The following PACRG variants were observed in gnomAD, a reference collection of about 807,000 sequenced individuals.
The protein encoded by PACRG is parkin coregulated gene protein.
PACRG carries 29 observed loss-of-function variants against 29.7 expected under a neutral mutation model. That is an observed-to-expected ratio of 0.98 (90% CI 0.73 to 1.33). PACRG has a LOEUF of 1.33. PACRG is among the 40% of genes most tolerant of loss of function. The pLI is 0.00. For missense variants in PACRG, 279 were observed against 316.2 expected, an observed-to-expected ratio of 0.88 and a Z score of 0.89; for synonymous variants, 116 against 118.7, an observed-to-expected ratio of 0.98 and a Z score of 0.15.
intron 1 of PACRG, among the ~76,000 whole-genome samples, chr6:162,759,206 G>A (rs1195259010): frequency 3.3e-5 from 5 of 152,272 alleles, no homozygotes; most frequent in East Asian, 1.9e-4. Context: ...AGCAGATTCC[G>A]TTGAAGAAAA....
At chr6:162,832,575 C>T (rs1788874137) in intron 2 of PACRG, among the ~76,000 whole-genome samples, 1 of 151,994 alleles carries the variant, frequency 6.6e-6, no homozygotes, top group African/African-American at 2.4e-5. Flanking sequence ...ACAACTTGTA[C>T]CACATCTATT....
chr6:162,995,337 A>G (rs1562813523), intron 2 of PACRG, among the ~76,000 whole-genome samples: 1 of 150,696 alleles, frequency 6.6e-6, no homozygotes, highest in Non-Finnish European at 1.5e-5. Flanking sequence ...CCCCTCCCCC[A>G]GCCTCGCTGC....
intron 2 of PACRG, among the ~76,000 whole-genome samples, chr6:163,033,536 A>G (rs1359906367): frequency 6.6e-6 from 1 of 152,266 alleles, no homozygotes; most frequent in Admixed American, 6.5e-5. Flanking sequence ...CTTAAGTCAC[A>G]TGAACTAAAT....
chr6:163,167,204 C>T (rs1029970599), intron 4 of PACRG, among the ~76,000 whole-genome samples: 2 of 152,136 alleles, frequency 1.3e-5, no homozygotes, highest in Admixed American at 6.6e-5. Context: ...ACAGAAGAAA[C>T]CTTAAGCTTA....
At chr6:162,811,404 C>T (rs1335172441) in intron 1 of PACRG, among the ~76,000 whole-genome samples, 1 of 152,054 alleles carries the variant, frequency 6.6e-6, no homozygotes, top group East Asian at 1.9e-4. Flanking sequence ...GGGCCAATTC[C>T]TCAGAAAATA....
At chr6:163,011,553 T>A (rs1189562325) in intron 2 of PACRG, among the ~76,000 whole-genome samples, 1 of 152,196 alleles carries the variant, frequency 6.6e-6, no homozygotes, top group African/African-American at 2.4e-5. Flanking sequence ...GCCTAGGGTA[T>A]CACTGTACAC....
intron 1 of PACRG, among the ~76,000 whole-genome samples, chr6:162,806,153 G>A (rs2128347631): frequency 6.6e-6 from 1 of 151,046 alleles, no homozygotes; most frequent in Admixed American, 6.6e-5. Context: ...TTGTTGCCCA[G>A]GCTGGAGTGC....
intron 2 of PACRG, among the ~76,000 whole-genome samples, chr6:162,835,200 A>T (rs183082687): frequency 6.6e-6 from 1 of 152,252 alleles, no homozygotes; most frequent in East Asian, 1.9e-4. Flanking sequence ...CTTCTTCAGT[A>T]AAACATTGTT....
intron 4 of PACRG, among the ~76,000 whole-genome samples, chr6:163,283,326 C>T (rs560542969): frequency 6.6e-6 from 1 of 152,240 alleles, no homozygotes; most frequent in South Asian, 2.1e-4. Context: ...GTGGAAATTG[C>T]AATGAAGGAA....
chr6:162,986,811 C>T (rs952607101), intron 2 of PACRG, among the ~76,000 whole-genome samples: 5 of 152,004 alleles, frequency 3.3e-5, no homozygotes, highest in Non-Finnish European at 5.9e-5. Flanking sequence ...AGTCTATTGT[C>T]GACAATTTCC....
At chr6:163,278,036 G>A (rs1485984005) in intron 4 of PACRG, among the ~76,000 whole-genome samples, 1 of 152,068 alleles carries the variant, frequency 6.6e-6, no homozygotes, top group Non-Finnish European at 1.5e-5. Context: ...ATTCTTGCAG[G>A]AGTGAGGTGG....
intron 4 of PACRG, among the ~76,000 whole-genome samples, chr6:163,143,022 G>A (rs540947761): frequency 6.6e-6 from 1 of 152,304 alleles, no homozygotes; most frequent in East Asian, 1.9e-4. Flanking sequence ...GACAGCGGTG[G>A]AAACGCTGGC....
intron 4 of PACRG, among the ~76,000 whole-genome samples, chr6:163,114,685 T>A (rs2128321319): frequency 6.6e-6 from 1 of 152,238 alleles, no homozygotes; most frequent in Non-Finnish European, 1.5e-5. Flanking sequence ...GGAATGGTGG[T>A]TCCCAGGGGC....
chr6:162,765,265 T>C (rs752643191), intron 1 of PACRG, among the ~76,000 whole-genome samples: 11 of 152,108 alleles, frequency 7.2e-5, no homozygotes, highest in Non-Finnish European at 1.6e-4. Context: ...CTGCCAATTG[T>C]AGAATAAATG....
chr6:163,216,126 C>T (rs569546628), intron 4 of PACRG, among the ~76,000 whole-genome samples: 134 of 152,248 alleles, frequency 8.8e-4, no homozygotes, highest in African/African-American at 2.7e-3. Flanking sequence ...GTCCAGAGGA[C>T]GTGAGAAAGA....
rs544940788 is a variant in PACRG, at chr6:163,285,172, G to C, written c.614-29655G>C. ...CTGCCTGCTTGTCCAGCCTCCCCCA[G>C]ACACCCCTCTCCCCACCCCACCTGC... On this transcript the variant is annotated intron_variant, in intron 4 of 4. Transcript: ENST00000366888. Among the ~76,000 whole-genome samples the C allele has an allele frequency of 2.0e-5, 3 of 151,390 alleles. No homozygotes were observed. The South Asian group carries it at 6.3e-4, about 32-fold the overall frequency.
At chr6:163,015,036 G>A (rs1332614517) in intron 2 of PACRG, among the ~76,000 whole-genome samples, 2 of 152,132 alleles carry the variant, frequency 1.3e-5, no homozygotes, top group African/African-American at 4.8e-5. Flanking sequence ...ATAGTGAAAA[G>A]TAAGGGTCCA....
At chr6:163,181,037 A>G (rs1159217877) in intron 4 of PACRG, among the ~76,000 whole-genome samples, 1 of 152,168 alleles carries the variant, frequency 6.6e-6, no homozygotes, top group South Asian at 2.1e-4. Flanking sequence ...GAGTGTCTCT[A>G]ACTCTTCAGG....
At chr6:163,097,412 T>C (rs1197254959) in intron 4 of PACRG, among the ~76,000 whole-genome samples, 2 of 152,208 alleles carry the variant, frequency 1.3e-5, no homozygotes, top group Admixed American at 1.3e-4. Context: ...ATGGCTTGTG[T>C]AAGAGAATCC....
Sources: allele counts gnomAD v4.1 joint callset (sites outside exome capture counted in the v4.1 genomes callset), GRCh38; gene constraint gnomAD v4.1.1; transcripts MANE v1.5; gene names NCBI Gene and HGNC (gene_info 2026-07-23, HGNC 2026-07-21).